Variants in ARMC6 observed in about 807,000 individuals in gnomAD.
ARMC6 encodes armadillo repeat containing 6, also known as armadillo repeat-containing protein 6.
Under a neutral mutation model 49.2 loss-of-function variants are expected in ARMC6, and 43 were observed. The observed-to-expected ratio is 0.87, with a 90% CI of 0.69 to 1.13. The LOEUF (loss-of-function observed/expected upper bound fraction) is 1.13. Ranked by LOEUF, ARMC6 falls within the 50% of genes most tolerant of loss-of-function variation. The probability of loss-of-function intolerance (pLI) is 0.00; values close to 1 mark genes in which losing one functional copy is unlikely to be tolerated. For synonymous variants in ARMC6, 262 were observed against 289.6 expected (o/e 0.90, Z 0.97); for missense variants, 627 against 682.0 (o/e 0.92, Z 0.90).
At chr19:19,041,487 C>T (rs1043120362) in intron 2 of ARMC6, among the ~76,000 whole-genome samples, 58 of 151,988 alleles carry the variant, frequency 3.8e-4, no homozygotes, top group African/African-American at 1.4e-3. Flanking sequence ...TGGCTGGGAT[C>T]ACAGGTGCCC....
intron 2 of ARMC6, among the ~76,000 whole-genome samples, chr19:19,042,333 C>G (rs1367492666): frequency 1.3e-5 from 2 of 152,138 alleles, no homozygotes; most frequent in African/African-American, 4.8e-5. Context: ...GTAGTAAACT[C>G]TGTGTTCTCT....
chr19:19,034,681 C>T (rs922129779), intron 2 of ARMC6, among the ~76,000 whole-genome samples: 1 of 151,994 alleles, frequency 6.6e-6, no homozygotes, highest in East Asian at 1.9e-4. Context: ...CTCCACCTCC[C>T]GGGTTCAAGG....
In ARMC6 at chr19:19,055,914, A is replaced by G; in HGVS notation, c.1279A>G (p.Lys427Glu). The G allele has an allele frequency of 6.2e-7, 1 of 1,610,694 alleles. No homozygotes were observed. The highest frequency in any genetic ancestry group is 1.1e-5 in the South Asian group (1 of 90,968). The change falls in exon 8 of 9, where the codon AAG (lysine) becomes GAG (glutamate). Residue 427 changes from lysine to glutamate, a missense_variant. Coordinates refer to ENST00000535612, the MANE Select transcript of ARMC6 (RefSeq NM_001199196.2). The surrounding 1 kb of genome is among the most constrained non-coding windows in gnomAD (Gnocchi z 5.7). Reference sequence around the variant, plus strand: ...GCAGGCCATGAAGGCACACCCGCAGAAGGCCGGCGTGCAGGTGGGCAGGGC... The same window carrying G: ...GCAGGCCATGAAGGCACACCCGCAGGAGGCCGGCGTGCAGGTGGGCAGGGC... ...ALQAMKAHPQ[K>E]AGVQKQACML...
In ARMC6 at chr19:19,055,958, G is replaced by C. The variant is rs1442720155; in HGVS notation, c.1293+30G>C. The C allele has an allele frequency of 1.3e-6, 2 of 1,593,730 alleles. No individual in the cohort carries two copies. Among genetic ancestry groups the C allele is most frequent in the African/African-American group, 1.3e-5 (1 of 74,870 alleles). ...GCAGGGCAGGGGATGGGGGCAGGCA[G>C]GCTGGTGTGGGATGTGCAGGTAGGT... On this transcript the variant is annotated intron_variant, in intron 8 of 8. Coordinates refer to ENST00000535612, the MANE Select transcript of ARMC6 (RefSeq NM_001199196.2). The surrounding 1 kb of genome is among the most constrained non-coding windows in gnomAD (Gnocchi z 5.7).
At chr19:19,038,278 T>G (rs1445402509) in intron 2 of ARMC6, among the ~76,000 whole-genome samples, 4 of 152,172 alleles carry the variant, frequency 2.6e-5, no homozygotes, top group Admixed American at 2.6e-4. Flanking sequence ...GCACAATAAA[T>G]GTAATGAGCT....
intron 2 of ARMC6, 54 bp from the exon 3 acceptor site, chr19:19,042,657 C>T (rs2059419340): frequency 2.5e-6 from 4 of 1,592,060 alleles, no homozygotes; most frequent in East Asian, 2.2e-5. Context: ...TGGCCAGGCC[C>T]TGCCATTGCC....
Position 19,044,034 on chromosome 19 carries a change from C to A in ARMC6, c.239C>A (p.Ser80Tyr), listed in dbSNP as rs748195416. 8 of 1,614,062 alleles carry A rather than the reference C, an allele frequency of 5.0e-6. No homozygotes were observed. In the South Asian group the frequency reaches 8.8e-5, roughly 18 times the overall value. ...ATTGTAAAGACGGCACCTAAAGTCT[C>A]TGCAGACGGATCCCAGGAGCCCACA... ...SNIVKTAPKVSADGSQEPTHD... is the reference protein window; with the variant it reads ...SNIVKTAPKVYADGSQEPTHD... The change falls in exon 4 of 9, where the codon TCT becomes TAT. Residue 80 changes from serine (S) to tyrosine (Y), a missense_variant. Ser to Tyr is a moderately radical substitution (Grantham distance 144, BLOSUM62 -2). Transcript: ENST00000535612.
At chr19:19,045,801 G>A (rs1441172193) in intron 4 of ARMC6, among the ~76,000 whole-genome samples, 4 of 151,856 alleles carry the variant, frequency 2.6e-5, no homozygotes, top group Admixed American at 6.6e-5. Flanking sequence ...ACAGGCGCCC[G>A]CCACCATGCC....
intron 4 of ARMC6, among the ~76,000 whole-genome samples, chr19:19,046,919 GCTCA>G (rs555568663): frequency 0.029 from 3,369 of 117,898 alleles, 134 homozygotes; most frequent in African/African-American, 0.1. Context: ...GAGCCAACAT[GCTCA>G]CCTGTTTTTT....
In ARMC6 at chr19:19,055,179, A is replaced by G; in HGVS notation, c.1024-86A>G. On this transcript the variant is annotated intron_variant, in intron 6 of 8. Coordinates refer to ENST00000535612, the MANE Select transcript of ARMC6 (RefSeq NM_001199196.2). This position sits in a 1 kb window ranked among gnomAD's most constrained non-coding sequence, Gnocchi z 5.7. ...GTCACACCATACCTGTTGGTCAAAC[A>G]GCAAAACAGCCCCACATTCTCCCTC... 1 of 1,484,876 alleles carries G rather than the reference A, an allele frequency of 6.7e-7. No homozygotes were observed. Among genetic ancestry groups the G allele is most frequent in the Non-Finnish European group, 8.9e-7 (1 of 1,118,426 alleles). The allele number at this position is 1,484,876 out of a possible 1,614,324, so 92.0% of individuals were successfully genotyped here.
chr19:19,041,950 C>T (rs1430407397), intron 2 of ARMC6, among the ~76,000 whole-genome samples: 1 of 151,936 alleles, frequency 6.6e-6, no homozygotes, highest in Admixed American at 6.6e-5. Context: ...TGCTCTGTTG[C>T]CCAGGTTGGA....
intron 4 of ARMC6, among the ~76,000 whole-genome samples, chr19:19,049,438 A>G (rs2059478636): frequency 6.6e-6 from 1 of 152,204 alleles, no homozygotes; most frequent in Admixed American, 6.5e-5. Flanking sequence ...AATACTGTGC[A>G]TCCTCAAAGG....
Position 19,055,509 on chromosome 19 carries a change from G to A in ARMC6, c.1155+113G>A, listed in dbSNP as rs966592591. ...TGCAGGGCCAGGGCAGGGCTGGTGA[G>A]GGTCGTGGGCATTGGCTCTCAAATG... is the stretch of plus-strand genomic sequence containing the variant. On this transcript the variant is annotated intron_variant, in intron 7 of 8. Coordinates refer to ENST00000535612, the MANE Select transcript of ARMC6 (RefSeq NM_001199196.2). This position sits in a 1 kb window ranked among gnomAD's most constrained non-coding sequence, Gnocchi z 5.7. 7.0e-7 allele frequency: 1 copy of A among 1,438,452 alleles called. No homozygotes were observed. Among genetic ancestry groups the A allele is most frequent in the Non-Finnish European group, 9.2e-7 (1 of 1,084,006 alleles). The allele number at this position is 1,438,452 out of a possible 1,614,324, so 89.1% of individuals were successfully genotyped here.
At chr19:19,041,313 A>T (rs2059409866) in intron 2 of ARMC6, among the ~76,000 whole-genome samples, 1 of 152,146 alleles carries the variant, frequency 6.6e-6, no homozygotes, top group African/African-American at 2.4e-5. Context: ...CATATATAGG[A>T]GTTCTGAGAT....
Position 19,057,412 on chromosome 19 carries a change from A to G in ARMC6, c.1294-4A>G, listed in dbSNP as rs778775883. ...TGGCAGCTCACAGCTGCTCTCTCCT[A>G]CAGAAACAGGCTTGCATGCTGATCC... On this transcript the variant is annotated splice_region_variant and splice_polypyrimidine_tract_variant and intron_variant, in intron 8 of 8. Transcript: ENST00000535612. 8 of 1,611,776 alleles carry G rather than the reference A, an allele frequency of 5.0e-6. No individual in the cohort carries two copies. In the African/African-American group the frequency reaches 9.4e-5, roughly 19 times the overall value.
At chr19:19,037,710 G>A (rs1205368440) in intron 2 of ARMC6, 3 of 1,132,772 alleles carry the variant, frequency 2.6e-6, no homozygotes, top group Non-Finnish European at 3.3e-6. Context: ...TAAGCAAGGT[G>A]GATATATTGA....
chr19:19,045,877 T>G (rs1308750637), intron 4 of ARMC6, among the ~76,000 whole-genome samples: 4 of 152,148 alleles, frequency 2.6e-5, no homozygotes, highest in Admixed American at 2.6e-4. Context: ...GGTCTCCATC[T>G]CCTGACCTCG....
At chr19:19,049,813 C>T (rs1031999946) in intron 4 of ARMC6, among the ~76,000 whole-genome samples, 1 of 152,138 alleles carries the variant, frequency 6.6e-6, no homozygotes, top group African/African-American at 2.4e-5. Context: ...ACTTTGAGGT[C>T]AGGAGTTAGA....
At chr19:19,044,922 T>G (rs892974608) in intron 4 of ARMC6, among the ~76,000 whole-genome samples, 15 of 152,232 alleles carry the variant, frequency 9.9e-5, no homozygotes, top group Admixed American at 3.3e-4. Context: ...CTCTCCTGCC[T>G]TGAGGAGGTC....
Sources: gnomAD v4.1 joint callset for allele counts (sites outside exome capture counted in the v4.1 genomes callset) on GRCh38, gnomAD v4.1.1 for gene constraint, Gnocchi (gnomAD v3.1) non-coding constraint, MANE v1.5 for transcripts, NCBI Gene and HGNC (gene_info 2026-07-23, HGNC 2026-07-21) for gene names.